Variants in RIPOR2 observed in about 807,000 individuals in gnomAD.
The protein encoded by RIPOR2 is rho family-interacting cell polarization regulator 2.
In RIPOR2, 39 loss-of-function variants were observed where a neutral mutation model predicts 114.5. The observed-to-expected ratio is 0.34, with a 90% CI of 0.26 to 0.44. The LOEUF (loss-of-function observed/expected upper bound fraction) is 0.44. RIPOR2 is among the 20% of genes least tolerant of loss of function. The probability of loss-of-function intolerance (pLI) is 1.00; values close to 1 mark genes in which losing one functional copy is unlikely to be tolerated. For missense variants in RIPOR2, 1,007 were observed against 1,255.1 expected (o/e 0.80, Z 2.99); for synonymous variants, 445 against 484.4 (o/e 0.92, Z 1.07).
At chr6:24,824,048 C>T (rs1354640200) in intron 19 of RIPOR2, among the ~76,000 whole-genome samples, 2 of 152,182 alleles carry the variant, frequency 1.3e-5, no homozygotes, top group Non-Finnish European at 2.9e-5. Context: ...TGAGCCACCG[C>T]GCCTGGGCCC....
At chr6:24,846,737 G>A (rs993754911) in intron 12 of RIPOR2, among the ~76,000 whole-genome samples, 1 of 152,120 alleles carries the variant, frequency 6.6e-6, no homozygotes, top group African/African-American at 2.4e-5. Context: ...GATGTTCCAT[G>A]TATGTGTGTG....
intron 12 of RIPOR2, chr6:24,847,391 A>ATTT: frequency 1.6e-6 from 1 of 632,466 alleles, no homozygotes; most frequent in East Asian, 2.8e-5. Flanking sequence ...TCAAAGTTAC[A>ATTT]TGCACGACCA....
In RIPOR2 at chr6:25,019,729, C is replaced by G. The variant is rs1253866994; in HGVS notation, c.76+22122G>C. Among the ~76,000 whole-genome samples, 3 of 123,458 alleles carry G rather than the reference C, an allele frequency of 2.4e-5. 1 individual carries two copies. In the Admixed American group the frequency reaches 3.1e-4, roughly 13 times the overall value. The allele number at this position is 123,458 out of a possible 152,430, so 81.0% of individuals were successfully genotyped here. On this transcript the variant is annotated intron_variant, in intron 1 of 13. Transcript: ENST00000510784. ...GGCGGAGGTTGTAGTGAGCCAAGAT[C>G]GTGCCACTGCATTCCAGCCTGGGCA...
At chr6:24,873,873 T>C (rs1765453612) in intron 2 of RIPOR2, 74 bp from the exon 3 acceptor site, 16 of 1,273,184 alleles carry the variant, frequency 1.3e-5, no homozygotes, top group Non-Finnish European at 1.5e-5. Flanking sequence ...TGTCTTCTAT[T>C]ATTTACTTGT....
chr6:24,811,591 G>T (rs1781166902), intron 20 of RIPOR2, among the ~76,000 whole-genome samples: 3 of 151,360 alleles, frequency 2.0e-5, no homozygotes, highest in Admixed American at 2.0e-4. Flanking sequence ...GATGAAAGTA[G>T]GTCAAACATT....
intron 1 of RIPOR2, among the ~76,000 whole-genome samples, chr6:24,988,184 T>A (rs1236772381): frequency 6.6e-6 from 1 of 152,164 alleles, no homozygotes; most frequent in East Asian, 1.9e-4. Flanking sequence ...TGTGAATAGC[T>A]TCTTTTTTTT....
intron 1 of RIPOR2, among the ~76,000 whole-genome samples, chr6:24,899,009 T>C (rs1768160809): frequency 6.8e-6 from 1 of 146,670 alleles, no homozygotes; most frequent in African/African-American, 2.5e-5. Flanking sequence ...TCTCAATTAC[T>C]AGGTGTGAGT....
At chr6:24,915,660 GC>G (rs1770018553) in intron 1 of RIPOR2, among the ~76,000 whole-genome samples, 2 of 152,276 alleles carry the variant, frequency 1.3e-5, no homozygotes, top group East Asian at 1.9e-4. Flanking sequence ...ACCGTGCCTG[GC>G]CCCCGTCTCT....
intron 1 of RIPOR2, among the ~76,000 whole-genome samples, chr6:24,972,176 T>C (rs924522757): frequency 1.3e-5 from 2 of 152,198 alleles, no homozygotes; most frequent in African/African-American, 4.8e-5. Context: ...AAAAAATTTA[T>C]ATTTGAATCT....
intron 1 of RIPOR2, among the ~76,000 whole-genome samples, chr6:24,971,882 C>T (rs532207860): frequency 5.3e-3 from 361 of 68,446 alleles, no homozygotes; most frequent in African/African-American, 0.012. Flanking sequence ...TGCCAAGTGT[C>T]AAATTCTTCA....
intron 14 of RIPOR2, among the ~76,000 whole-genome samples, chr6:24,837,244 T>A (rs1350481335): frequency 6.6e-6 from 1 of 152,116 alleles, no homozygotes; most frequent in Non-Finnish European, 1.5e-5. Context: ...CACCTCAGCC[T>A]CCTGAGTAAC....
At chr6:25,041,697 C>A in intron 1 of RIPOR2, 2 of 581,952 alleles carry the variant, frequency 3.4e-6, no homozygotes, top group East Asian at 5.8e-5. Context: ...TAAAAAAATA[C>A]CAAAGTCCAT....
intron 21 of RIPOR2, among the ~76,000 whole-genome samples, chr6:24,808,872 A>C (rs1478714694): frequency 1.3e-5 from 2 of 149,918 alleles, no homozygotes; most frequent in Non-Finnish European, 3.0e-5. Context: ...TGATTCTCCT[A>C]CCTCAGCCTC....
At chr6:24,840,620 C>T (rs1562242106) in intron 13 of RIPOR2, 1 of 1,526,332 alleles carries the variant, frequency 6.6e-7, no homozygotes, top group Non-Finnish European at 8.8e-7. Flanking sequence ...GTAGGAAGGG[C>T]CTTGCAGGGA....
In RIPOR2 at chr6:24,805,543, T is replaced by G. The variant is rs1242015182; in HGVS notation, c.*830A>C. ...TGGGAGCACATAAAATTAAAACATC[T>G]AAACTCTCCTAATGGGTCATTTTGC... On this transcript the variant is annotated 3_prime_UTR_variant, in exon 22 of 22. Transcript: ENST00000643898. 1 of 152,060 alleles carries G rather than the reference T, an allele frequency of 6.6e-6. No homozygotes were observed. The highest frequency in any genetic ancestry group is 1.5e-5 in the Non-Finnish European group (1 of 68,010). The allele number at this position is 152,060 out of a possible 1,614,324, so 9.4% of individuals were successfully genotyped here.
chr6:24,825,655 G>A (rs1760106296), intron 18 of RIPOR2, among the ~76,000 whole-genome samples: 1 of 152,208 alleles, frequency 6.6e-6, no homozygotes, highest in African/African-American at 2.4e-5. Context: ...AAAAAGTGAA[G>A]GTGGGTTTCT....
chr6:24,808,014 A>C (rs1037839928), intron 21 of RIPOR2, among the ~76,000 whole-genome samples: 1 of 152,210 alleles, frequency 6.6e-6, no homozygotes, highest in African/African-American at 2.4e-5. Context: ...GAGGCTTCAA[A>C]AAATCCTTAA....
intron 6 of RIPOR2, 81 bp from the exon 7 acceptor site, chr6:24,865,531 A>G: frequency 8.3e-7 from 1 of 1,207,238 alleles, no homozygotes; most frequent in Non-Finnish European, 1.1e-6. Context: ...TGCTTAATTT[A>G]CTTTATATTT....
chr6:24,919,858 A>G (rs893783565), intron 1 of RIPOR2, among the ~76,000 whole-genome samples: 3 of 152,150 alleles, frequency 2.0e-5, no homozygotes, highest in African/African-American at 7.2e-5. Context: ...ACCACTGAGA[A>G]TACACTCGCC....
Sources: allele counts gnomAD v4.1 joint callset (sites outside exome capture counted in the v4.1 genomes callset), GRCh38; gene constraint gnomAD v4.1.1; transcripts MANE v1.5; gene names NCBI Gene and HGNC (gene_info 2026-07-23, HGNC 2026-07-21).